ADAMTS19: variants seen among roughly 807,000 people sequenced by gnomAD.
The protein encoded by ADAMTS19 is ADAM metallopeptidase with thrombospondin type 1 motif 19.
A neutral mutation model predicts 153.3 loss-of-function variants in ADAMTS19; 93 were observed. The observed-to-expected ratio is 0.61, with a 90% CI of 0.51 to 0.72. The LOEUF is 0.72. ADAMTS19 is among the 30% of genes least tolerant of loss of function. The probability of loss-of-function intolerance (pLI) is 0.00; values close to 1 mark genes in which losing one functional copy is unlikely to be tolerated. For missense variants in ADAMTS19, 1,482 were observed against 1,552.1 expected (o/e 0.95, Z 0.76); for synonymous variants, 600 against 556.6 (o/e 1.08, Z -1.10).
At chr5:129,539,674 AT>A (rs1233599689) in intron 6 of ADAMTS19, among the ~76,000 whole-genome samples, 3 of 152,028 alleles carry the variant, frequency 2.0e-5, no homozygotes, top group African/African-American at 7.2e-5. Context: ...GAACTTTCTA[AT>A]TTTTTGCTGT....
Position 129,687,620 on chromosome 5 carries a change from T to C in ADAMTS19, c.2818+3347T>C, listed in dbSNP as rs140156791. Among the ~76,000 whole-genome samples the C allele has an allele frequency of 3.6e-4, 55 of 152,252 alleles. No individual in the cohort carries two copies. The East Asian group carries it at 9.3e-3, about 26-fold the overall frequency. On this transcript the variant is annotated intron_variant, in intron 18 of 22. Transcript: ENST00000274487. ...ATTCTTAAACATAACTTCTTAATTA[T>C]CAACATGAGAAAATTGAAGGGCTTA...
At chr5:129,518,962 A>G (rs1250908405) in intron 3 of ADAMTS19, among the ~76,000 whole-genome samples, 2 of 152,022 alleles carry the variant, frequency 1.3e-5, no homozygotes, top group African/African-American at 2.4e-5. Flanking sequence ...TGTTTGTTCA[A>G]TTCTGCTATT....
chr5:129,672,828 ACAC>A (rs1754367716), intron 16 of ADAMTS19, among the ~76,000 whole-genome samples: 1 of 152,026 alleles, frequency 6.6e-6, no homozygotes, highest in African/African-American at 2.4e-5. Context: ...ACACACACAC[ACAC>A]AAATACATAC....
chr5:129,608,336 T>C (rs558813005), intron 8 of ADAMTS19, among the ~76,000 whole-genome samples: 1 of 151,630 alleles, frequency 6.6e-6, no homozygotes, highest in African/African-American at 2.4e-5. Flanking sequence ...TACCAGGAGC[T>C]GTAGGATGAG....
At chr5:129,583,498 A>G (rs6894737) in intron 7 of ADAMTS19, among the ~76,000 whole-genome samples, 105,533 of 151,810 alleles carry the variant, frequency 0.7, 37,811 homozygotes, top group Non-Finnish European at 0.8. Context: ...AATATCCTGA[A>G]GAGCGTTTTC....
intron 3 of ADAMTS19, among the ~76,000 whole-genome samples, chr5:129,513,888 T>G (rs1430520775): frequency 6.6e-6 from 1 of 152,074 alleles, no homozygotes; most frequent in East Asian, 1.9e-4. Flanking sequence ...TTATTCATTT[T>G]TTCTAACTTT....
chr5:129,571,770 T>C (rs1410684187), intron 7 of ADAMTS19, among the ~76,000 whole-genome samples: 1 of 151,762 alleles, frequency 6.6e-6, no homozygotes, highest in Non-Finnish European at 1.5e-5. Context: ...AACAAGGGTT[T>C]AGTAATCAAG....
intron 6 of ADAMTS19, among the ~76,000 whole-genome samples, chr5:129,536,767 TG>T (rs1161120427): frequency 4.6e-5 from 7 of 152,152 alleles, no homozygotes; most frequent in African/African-American, 1.7e-4. Context: ...TGTAGGGACA[TG>T]GATGAAATTG....
At chr5:129,615,045 A>G (rs935834759) in intron 8 of ADAMTS19, among the ~76,000 whole-genome samples, 3 of 148,366 alleles carry the variant, frequency 2.0e-5, no homozygotes, top group Non-Finnish European at 1.5e-5. Context: ...GAGGATACAA[A>G]CAAATGGAAG....
intron 7 of ADAMTS19, among the ~76,000 whole-genome samples, chr5:129,589,188 C>G (rs1187168344): frequency 6.6e-6 from 1 of 151,644 alleles, no homozygotes; most frequent in Non-Finnish European, 1.5e-5. Context: ...TACCTCAAAA[C>G]TTAGACATTA....
chr5:129,578,041 T>TACACACACACACAC (rs748371915), intron 7 of ADAMTS19, among the ~76,000 whole-genome samples: 3 of 98,576 alleles, frequency 3.0e-5, no homozygotes, highest in African/African-American at 8.2e-5. Context: ...CAAACTTACA[T>TACACACACACACAC]ACACACACAC....
At chr5:129,653,184 C>A (rs1312364675) in intron 13 of ADAMTS19, among the ~76,000 whole-genome samples, 1 of 152,176 alleles carries the variant, frequency 6.6e-6, no homozygotes, top group Non-Finnish European at 1.5e-5. Flanking sequence ...ATACGTGGAA[C>A]TTTACTGAAG....
intron 16 of ADAMTS19, among the ~76,000 whole-genome samples, chr5:129,672,380 A>G (rs1203244345): frequency 5.3e-5 from 8 of 152,174 alleles, no homozygotes; most frequent in Admixed American, 4.6e-4. Flanking sequence ...ACCCTTAGAT[A>G]CTAAAAACAA....
At chr5:129,506,703 C>T (rs1443009346) in intron 2 of ADAMTS19, among the ~76,000 whole-genome samples, 1 of 151,812 alleles carries the variant, frequency 6.6e-6, no homozygotes, top group Non-Finnish European at 1.5e-5. Flanking sequence ...ATCCTTTGGA[C>T]TTTGTGAGTT....
chr5:129,725,904 CAG>C (rs1757190499), intron 21 of ADAMTS19, among the ~76,000 whole-genome samples: 1 of 152,092 alleles, frequency 6.6e-6, no homozygotes. Context: ...TACCCAAGTA[CAG>C]AGAAGATTGT....
chr5:129,461,029 T>G lies in ADAMTS19; in HGVS notation c.92-73T>G. The G allele has an allele frequency of 6.9e-4, 873 of 1,270,212 alleles. No homozygotes were observed. The highest frequency in any genetic ancestry group is 7.9e-4 in the Non-Finnish European group (796 of 1,006,850). The allele number at this position is 1,270,212 out of a possible 1,614,324, so 78.7% of individuals were successfully genotyped here. Reference sequence around the variant, plus strand: ...GCGAGCGCCCTGTATCTATGGACTGTGAGCTTGGAAATGTTTGTGCTACTG... The same window carrying G: ...GCGAGCGCCCTGTATCTATGGACTGGGAGCTTGGAAATGTTTGTGCTACTG... On this transcript the variant is annotated intron_variant, in intron 1 of 22. Transcript: ENST00000274487. This position sits in a 1 kb window ranked among gnomAD's most constrained non-coding sequence, Gnocchi z 4.6.
At chr5:129,686,905 A>G (rs1238509368) in intron 18 of ADAMTS19, among the ~76,000 whole-genome samples, 1 of 152,142 alleles carries the variant, frequency 6.6e-6, no homozygotes, top group Non-Finnish European at 1.5e-5. Flanking sequence ...TTCAGTGGCC[A>G]TGTTTCTCTT....
chr5:129,528,726 A>C, intron 6 of ADAMTS19, 49 bp downstream of exon 6: 1 of 1,427,874 alleles, frequency 7.0e-7, no homozygotes, highest in Non-Finnish European at 9.6e-7. Context: ...CAATCACTGC[A>C]CTGTTGATCC....
At chr5:129,679,716 A>G (rs540386139) in intron 16 of ADAMTS19, 48 bp from the exon 17 acceptor site, 62 of 1,433,494 alleles carry the variant, frequency 4.3e-5, no homozygotes, top group Middle Eastern at 2.1e-4. Context: ...ATGTTGATCA[A>G]TGAAGCTGAC....
Sources: gnomAD v4.1 joint callset for allele counts (sites outside exome capture counted in the v4.1 genomes callset) on GRCh38, gnomAD v4.1.1 for gene constraint, Gnocchi (gnomAD v3.1) non-coding constraint, MANE v1.5 for transcripts, NCBI Gene and HGNC (gene_info 2026-07-23, HGNC 2026-07-21) for gene names.